The following DENND1A variants were observed in gnomAD, a reference collection of about 807,000 sequenced individuals.
DENND1A encodes DENN domain-containing protein 1A.
In DENND1A, 51 loss-of-function variants were observed where a neutral mutation model predicts 113.7. The ratio of observed to expected loss-of-function variants is 0.45; its 90% CI spans 0.36 to 0.57. The LOEUF is 0.57. DENND1A is among the 20% of genes least tolerant of loss of function. The pLI is 0.00. For synonymous variants in DENND1A, 565 were observed against 570.8 expected (o/e 0.99, Z 0.14); for missense variants, 1,258 against 1,395.9 (o/e 0.90, Z 1.57).
At chr9:123,430,874 C>T (rs532067307) in intron 19 of DENND1A, among the ~76,000 whole-genome samples, 2 of 152,190 alleles carry the variant, frequency 1.3e-5, no homozygotes, top group African/African-American at 4.8e-5. Context: ...CGGTGGTGTG[C>T]ACCTATATAG....
At chr9:123,515,365 T>C (rs1257307739) in intron 13 of DENND1A, among the ~76,000 whole-genome samples, 1 of 152,210 alleles carries the variant, frequency 6.6e-6, no homozygotes, top group East Asian at 1.9e-4. Context: ...ATGATTAGGA[T>C]AGAGAATGTC....
chr9:123,498,451 G>A (rs1588855145), intron 13 of DENND1A, among the ~76,000 whole-genome samples: 1 of 152,356 alleles, frequency 6.6e-6, no homozygotes, highest in South Asian at 2.1e-4. Flanking sequence ...TCAGCAGAGC[G>A]CTGGTCAAGA....
intron 2 of DENND1A, among the ~76,000 whole-genome samples, chr9:123,792,982 A>G (rs1833228681): frequency 6.6e-6 from 1 of 152,198 alleles, no homozygotes; most frequent in Non-Finnish European, 1.5e-5. Context: ...CCTCCTTTGC[A>G]TAGTTACAGA....
At position 123,463,812 on chromosome 9, in the gene DENND1A, G is replaced by A. The variant is rs1588657452; in HGVS notation, c.994-5915C>T. On this transcript the variant is annotated intron_variant, in intron 13 of 23. Transcript: ENST00000394215. Reference sequence around the variant, plus strand: ...TAATCCCAAATACTTGGGAGGCTGAGGCAGGAGAATCACTTGAACTCGGGA... The same window carrying A: ...TAATCCCAAATACTTGGGAGGCTGAAGCAGGAGAATCACTTGAACTCGGGA... Among the ~76,000 whole-genome samples the A allele has an allele frequency of 4.7e-5, 7 of 150,410 alleles. 1 individual carries two copies. In the South Asian group the frequency reaches 1.5e-3, roughly 32 times the overall value.
At chr9:123,390,602 G>A (rs1474392883) in intron 21 of DENND1A, among the ~76,000 whole-genome samples, 1 of 152,222 alleles carries the variant, frequency 6.6e-6, no homozygotes, top group African/African-American at 2.4e-5. Flanking sequence ...GTCCATCTGT[G>A]CACCCAACCA....
chr9:123,693,564 G>A (rs1243440719), intron 5 of DENND1A, among the ~76,000 whole-genome samples: 1 of 151,710 alleles, frequency 6.6e-6, no homozygotes, highest in African/African-American at 2.4e-5. Context: ...ACAGTACATA[G>A]CCTTTTAAGT....
chr9:123,860,125 C>G (rs545500300), intron 2 of DENND1A, among the ~76,000 whole-genome samples: 47 of 152,266 alleles, frequency 3.1e-4, no homozygotes, highest in African/African-American at 1.1e-3. Context: ...GGCCACTTAA[C>G]TTTATGCTCA....
At chr9:123,603,992 G>A (rs1027223484) in intron 11 of DENND1A, among the ~76,000 whole-genome samples, 1 of 152,076 alleles carries the variant, frequency 6.6e-6, no homozygotes. Flanking sequence ...CATTTTATAC[G>A]GAAGGACTGT....
In DENND1A at chr9:123,392,015, G is replaced by A. The variant is rs568747273; in HGVS notation, c.1632-4157C>T. Among the ~76,000 whole-genome samples, 13 of 152,302 alleles carry A rather than the reference G, an allele frequency of 8.5e-5. No homozygotes were observed. In the South Asian group the frequency reaches 1.2e-3, roughly 15 times the overall value. ...CCGCCTCTGCCCACCTTGTCTCCGC[G>A]TGGAGTTCCCATGCAGATGACTTCC... On this transcript the variant is annotated intron_variant, in intron 21 of 23. Transcript: ENST00000394215.
At chr9:123,387,687 T>A in intron 22 of DENND1A, 43 bp downstream of exon 22, 1 of 1,267,274 alleles carries the variant, frequency 7.9e-7, no homozygotes, top group Non-Finnish European at 1.0e-6. Flanking sequence ...CCCCGCAGAG[T>A]CACCAAGCCG....
intron 13 of DENND1A, among the ~76,000 whole-genome samples, chr9:123,478,183 G>T (rs141357041): frequency 3.7e-4 from 57 of 152,328 alleles, no homozygotes; most frequent in African/African-American, 1.2e-3. Flanking sequence ...GACACGGACT[G>T]AACCCAGATA....
chr9:123,397,111 A>G lies in DENND1A; in HGVS notation c.1631+6291T>C, dbSNP rs191705051. On this transcript the variant is annotated intron_variant, in intron 21 of 23. Coordinates refer to ENST00000394215, the MANE Select transcript of DENND1A (RefSeq NM_001352964.2). ...GAGGATTCAATGAAATGGTGTATGT[A>G]AAGTGCTTAGCACATTCCCAGTTAA... 2.0e-5 allele frequency among the ~76,000 whole-genome samples: 3 copies of G among 152,330 alleles called. No individual in the cohort carries two copies. In the East Asian group the frequency reaches 5.8e-4, roughly 29 times the overall value.
intron 22 of DENND1A, among the ~76,000 whole-genome samples, chr9:123,384,520 A>G (rs2042457053): frequency 6.6e-6 from 1 of 152,232 alleles, no homozygotes; most frequent in Admixed American, 6.5e-5. Flanking sequence ...GGTGGTGGTT[A>G]CATGAGCAAA....
At chr9:123,667,171 CT>C in intron 7 of DENND1A, 92 bp from the exon 8 acceptor site, 1 of 1,287,698 alleles carries the variant, frequency 7.8e-7, no homozygotes, top group Non-Finnish European at 1.1e-6. Context: ...AAAATATTTC[CT>C]TACTCAGAAA....
At chr9:123,477,366 C>A (rs922728321) in intron 13 of DENND1A, among the ~76,000 whole-genome samples, 1 of 151,866 alleles carries the variant, frequency 6.6e-6, no homozygotes, top group Non-Finnish European at 1.5e-5. Flanking sequence ...ACCTGGGCAA[C>A]AGAGTGAGAT....
intron 21 of DENND1A, among the ~76,000 whole-genome samples, chr9:123,398,154 C>T (rs964089680): frequency 6.6e-6 from 1 of 152,192 alleles, no homozygotes; most frequent in South Asian, 2.1e-4. Context: ...TAATTATCTC[C>T]CTCCATACTC....
chr9:123,645,432 C>T (rs2062266054), intron 9 of DENND1A, among the ~76,000 whole-genome samples: 1 of 152,098 alleles, frequency 6.6e-6, no homozygotes, highest in South Asian at 2.1e-4. Context: ...CGCACCAGCC[C>T]CCATCTAAAA....
intron 13 of DENND1A, chr9:123,462,123 G>C (rs1369160695): frequency 6.6e-6 from 1 of 152,220 alleles, no homozygotes; most frequent in Non-Finnish European, 1.5e-5. Context: ...TTGTCACCCA[G>C]AACCATGCAT....
intron 2 of DENND1A, among the ~76,000 whole-genome samples, chr9:123,819,145 C>T (rs73666295): frequency 0.072 from 11,031 of 152,220 alleles, 794 homozygotes; most frequent in African/African-American, 0.19. Flanking sequence ...GAGTATTTAA[C>T]AACAATCCAC....
Sources: gnomAD v4.1 joint callset for allele counts (sites outside exome capture counted in the v4.1 genomes callset) on GRCh38, gnomAD v4.1.1 for gene constraint, MANE v1.5 for transcripts, NCBI Gene and HGNC (gene_info 2026-07-23, HGNC 2026-07-21) for gene names.